RBM47: variants seen among roughly 807,000 people sequenced by gnomAD.
RBM47 encodes the protein RNA binding motif protein 47.
RBM47 carries 21 observed loss-of-function variants against 47.1 expected under a neutral mutation model. The ratio of observed to expected loss-of-function variants is 0.45; its 90% CI spans 0.32 to 0.64. RBM47 has a LOEUF of 0.64. RBM47 is among the 30% of genes least tolerant of loss of function. RBM47 has a pLI of 0.05. For missense variants in RBM47, 708 were observed against 870.9 expected, an observed-to-expected ratio of 0.81 and a Z score of 2.35; for synonymous variants, 375 against 361.7, an observed-to-expected ratio of 1.04 and a Z score of -0.42.
chr4:40,529,334 A>G (rs1727120300), intron 2 of RBM47, among the ~76,000 whole-genome samples: 1 of 151,802 alleles, frequency 6.6e-6, no homozygotes, highest in South Asian at 2.1e-4. Flanking sequence ...CATGGCCAAC[A>G]TGGTGAAACC....
chr4:40,557,994 T>G (rs888344890), intron 1 of RBM47, among the ~76,000 whole-genome samples: 1 of 152,210 alleles, frequency 6.6e-6, no homozygotes, highest in Non-Finnish European at 1.5e-5. Flanking sequence ...GATCTTGTCT[T>G]CCCAAGCAGA....
At chr4:40,561,967 C>T (rs1221923313) in intron 1 of RBM47, among the ~76,000 whole-genome samples, 1 of 152,116 alleles carries the variant, frequency 6.6e-6, no homozygotes, top group Non-Finnish European at 1.5e-5. Flanking sequence ...ATGCAAGGTC[C>T]CCTCAATGAC....
In RBM47 at chr4:40,437,808, G is replaced by A. The variant is rs759779002; in HGVS notation, c.1086C>T (p.Asn362=). The change falls in exon 4 of 7, where the codon AAC becomes AAT. Residue 362 remains asparagine, a synonymous_variant. Transcript: ENST00000295971. ...AGTCCCTGTTGGGCCCAATGAGCGCGTTGTAGGGGTAGCCGTAGTAGGCCA... is the reference window on the plus strand; with the variant it reads ...AGTCCCTGTTGGGCCCAATGAGCGCATTGTAGGGGTAGCCGTAGTAGGCCA... ...YTLAYYGYPY[N]ALIGPNRDYF... 7.4e-6 allele frequency: 12 copies of A among 1,611,114 alleles called. No individual in the cohort carries two copies. The South Asian group carries it at 1.3e-4, about 18-fold the overall frequency.
intron 1 of RBM47, among the ~76,000 whole-genome samples, chr4:40,592,981 T>TATATATA (rs1734383093): frequency 2.1e-4 from 3 of 14,190 alleles, no homozygotes; most frequent in Non-Finnish European, 1.2e-4. Context: ...ATATATATAT[T>TATATATA]TTTTTTTTTT....
intron 2 of RBM47, among the ~76,000 whole-genome samples, chr4:40,531,521 G>A (rs1459460347): frequency 6.6e-6 from 1 of 152,014 alleles, no homozygotes; most frequent in Non-Finnish European, 1.5e-5. Flanking sequence ...GACACCCTGA[G>A]GGTTTCAGAG....
chr4:40,533,555 A>T (rs1727620726), intron 2 of RBM47, among the ~76,000 whole-genome samples: 3 of 152,128 alleles, frequency 2.0e-5, no homozygotes, highest in African/African-American at 4.8e-5. Context: ...ATACATTTTT[A>T]AAAAATACTG....
At chr4:40,604,068 C>T (rs4861282) in intron 1 of RBM47, among the ~76,000 whole-genome samples, 150,803 of 152,364 alleles carry the variant, frequency 0.99, 74,642 homozygotes, top group East Asian at 1. Context: ...TCCATAACAC[C>T]TACCATCACA....
chr4:40,619,598 C>G (rs896203403), intron 1 of RBM47, among the ~76,000 whole-genome samples: 4 of 152,088 alleles, frequency 2.6e-5, no homozygotes, highest in Non-Finnish European at 4.4e-5. Flanking sequence ...TCTTTAAGTC[C>G]CTCAACATGC....
rs559313643 is a variant in RBM47 at position 40,425,608 on chromosome 4, A to T, written c.*296T>A. On this transcript the variant is annotated 3_prime_UTR_variant, in exon 7 of 7. Coordinates refer to ENST00000295971, the MANE Select transcript of RBM47 (RefSeq NM_001098634.2). ...ATACTGAAAATATATCCTTAAAAAA[A>T]CAACAACAAAAACCTCTATACAAAT... The T allele has an allele frequency of 8.8e-5, 21 of 237,684 alleles. No individual in the cohort carries two copies. The highest frequency in any genetic ancestry group is 1.7e-4 in the Non-Finnish European group (21 of 121,464). 14.7% of individuals were successfully genotyped at this position (237,684 alleles called of 1,614,324 possible).
At chr4:40,529,934 T>C (rs1448526429) in intron 2 of RBM47, among the ~76,000 whole-genome samples, 3 of 134,618 alleles carry the variant, frequency 2.2e-5, no homozygotes, top group East Asian at 4.2e-4. Flanking sequence ...AGACCCCCTT[T>C]TTTTTTTTTT....
intron 1 of RBM47, among the ~76,000 whole-genome samples, chr4:40,570,351 T>C (rs1465176835): frequency 2.6e-5 from 4 of 151,632 alleles, no homozygotes; most frequent in Admixed American, 6.6e-5. Flanking sequence ...CTGGGGGTGA[T>C]GGGAGACAGT....
intron 1 of RBM47, among the ~76,000 whole-genome samples, chr4:40,626,479 G>A (rs1454933297): frequency 6.6e-6 from 1 of 152,228 alleles, no homozygotes; most frequent in Non-Finnish European, 1.5e-5. Context: ...TTTGAGGGCA[G>A]TGGTAATCTC....
intron 1 of RBM47, among the ~76,000 whole-genome samples, chr4:40,586,167 C>G (rs573250011): frequency 6.6e-6 from 1 of 152,292 alleles, no homozygotes; most frequent in Admixed American, 6.5e-5. Context: ...CCCCACTTCA[C>G]TCTCCTCTGC....
At chr4:40,532,044 T>G (rs1727442717) in intron 2 of RBM47, among the ~76,000 whole-genome samples, 1 of 150,012 alleles carries the variant, frequency 6.7e-6, no homozygotes, top group Non-Finnish European at 1.5e-5. Context: ...GGAGTCTTGC[T>G]CTGTCACCCA....
chr4:40,490,018 A>G (rs1374328041), intron 2 of RBM47, among the ~76,000 whole-genome samples: 3 of 152,238 alleles, frequency 2.0e-5, no homozygotes, highest in Admixed American at 6.5e-5. Context: ...CATATCAACA[A>G]AAGACAAAAA....
At chr4:40,504,941 A>G (rs1175181423) in intron 2 of RBM47, among the ~76,000 whole-genome samples, 1 of 152,188 alleles carries the variant, frequency 6.6e-6, no homozygotes, top group Non-Finnish European at 1.5e-5. Context: ...CTGAAGACAA[A>G]AAATTGTTGT....
At chr4:40,456,571 C>CTTTTTTTTTTTTTTTTT (rs34320480) in intron 3 of RBM47, among the ~76,000 whole-genome samples, 1 of 112,578 alleles carries the variant, frequency 8.9e-6, no homozygotes, top group Non-Finnish European at 1.7e-5. Flanking sequence ...TTTCTTTTTT[C>CTTTTTTTTTTTTTTTTT]TTTTTTTTTT....
intron 1 of RBM47, among the ~76,000 whole-genome samples, chr4:40,603,430 G>A (rs1473351113): frequency 3.3e-5 from 5 of 152,038 alleles, no homozygotes; most frequent in African/African-American, 1.2e-4. Flanking sequence ...TTTTCCTTTG[G>A]TGAACATATG....
At position 40,438,045 on chromosome 4, in the gene RBM47, G is replaced by A. The variant is rs1712969209; in HGVS notation, c.849C>T (p.Tyr283=). 2 of 1,613,672 alleles carry A rather than the reference G, an allele frequency of 1.2e-6. No individual in the cohort carries two copies. Among genetic ancestry groups the A allele is most frequent in the African/African-American group, 2.7e-5 (2 of 74,954 alleles). The change falls in exon 4 of 7, where the codon TAC becomes TAT. Residue 283 remains tyrosine, a synonymous_variant. Coordinates refer to ENST00000295971, the MANE Select transcript of RBM47 (RefSeq NM_001098634.2). ...CVERVKKIRD[Y]AFVHFTSRED... ...CGCGGCTGGTGAAGTGCACGAAGGC[G>A]TAGTCGCGGATCTTCTTGACGCGCT...
Sources: gnomAD v4.1 joint callset for allele counts (sites outside exome capture counted in the v4.1 genomes callset) on GRCh38, gnomAD v4.1.1 for gene constraint, MANE v1.5 for transcripts, NCBI Gene and HGNC (gene_info 2026-07-23, HGNC 2026-07-21) for gene names.